The following SORCS1 variants were observed in gnomAD, a reference collection of about 807,000 sequenced individuals.
The protein encoded by SORCS1 is sortilin related VPS10 domain containing receptor 1, also known as VPS10 domain-containing receptor SorCS1.
Under a neutral mutation model 146.1 loss-of-function variants are expected in SORCS1, and 60 were observed. That is an observed-to-expected ratio of 0.41 (90% CI 0.33 to 0.51). The LOEUF (loss-of-function observed/expected upper bound fraction) is 0.51. Among genes scored for constraint, SORCS1 ranks in the 20% least tolerant of loss-of-function variants. The pLI is 0.21. For synonymous variants in SORCS1, 637 were observed against 584.0 expected (o/e 1.09, Z -1.31); for missense variants, 1,352 against 1,487.6 (o/e 0.91, Z 1.50).
intron 5 of SORCS1, among the ~76,000 whole-genome samples, chr10:106,745,806 A>T (rs1857691629): frequency 6.6e-6 from 1 of 152,204 alleles, no homozygotes; most frequent in African/African-American, 2.4e-5. Flanking sequence ...TAACTTTGCA[A>T]TGGAGAAACC....
At chr10:106,674,328 C>CAAAAAAAAAAAA (rs10658432) in intron 14 of SORCS1, among the ~76,000 whole-genome samples, 2,513 of 27,344 alleles carry the variant, frequency 0.092, 1,027 homozygotes, top group Non-Finnish European at 0.1. Context: ...GACTCCGTCT[C>CAAAAAAAAAAAA]AAAAAAAAAA....
chr10:107,128,104 A>T (rs1388676894), intron 1 of SORCS1, among the ~76,000 whole-genome samples: 3 of 152,226 alleles, frequency 2.0e-5, no homozygotes, highest in Non-Finnish European at 4.4e-5. Flanking sequence ...TACACTCTTC[A>T]ATATAAGTAT....
chr10:106,820,638 C>A (rs1191415261), intron 3 of SORCS1, among the ~76,000 whole-genome samples: 1 of 152,178 alleles, frequency 6.6e-6, no homozygotes, highest in Non-Finnish European at 1.5e-5. Context: ...AAGCTTGGGG[C>A]AGTTCTGATA....
intron 17 of SORCS1, among the ~76,000 whole-genome samples, chr10:106,653,107 G>C (rs1850003120): frequency 6.6e-6 from 1 of 152,114 alleles, no homozygotes; most frequent in Non-Finnish European, 1.5e-5. Flanking sequence ...GGTTATACTG[G>C]CTAAATGATC....
upstream of SORCS1, among the ~76,000 whole-genome samples, chr10:107,164,976 C>T (rs1435239215): frequency 2.0e-5 from 3 of 150,872 alleles, no homozygotes. This position sits in a 1 kb window ranked among gnomAD's most constrained non-coding sequence, Gnocchi z 6.8. Flanking sequence ...GGCCGCGGGT[C>T]CCGGCGCTGA....
At chr10:106,988,396 G>A (rs995782380) in intron 1 of SORCS1, among the ~76,000 whole-genome samples, 1 of 152,216 alleles carries the variant, frequency 6.6e-6, no homozygotes, top group African/African-American at 2.4e-5. Context: ...GCTAAGGTAA[G>A]ACTGCTTAAC....
intron 1 of SORCS1, among the ~76,000 whole-genome samples, chr10:107,126,557 A>G (rs1168887780): frequency 6.6e-6 from 1 of 152,108 alleles, no homozygotes; most frequent in Non-Finnish European, 1.5e-5. Context: ...CATTAGCTTA[A>G]TCTATACCAT....
intron 18 of SORCS1, 69 bp from the exon 19 acceptor site, chr10:106,629,457 C>T (rs1438130320): frequency 1.3e-6 from 2 of 1,532,820 alleles, no homozygotes; most frequent in African/African-American, 1.4e-5. Flanking sequence ...GGACTGGGGA[C>T]TACGGCTTGT....
At chr10:106,604,441 A>T (rs1846438683) in intron 23 of SORCS1, among the ~76,000 whole-genome samples, 1 of 152,120 alleles carries the variant, frequency 6.6e-6, no homozygotes, top group Admixed American at 6.5e-5. Context: ...CATCAGGGTA[A>T]TAATGTTCTC....
At position 107,084,100 on chromosome 10, in the gene SORCS1, T is replaced by G. The variant is rs532406705; in HGVS notation, c.558+79869A>C. On this transcript the variant is annotated intron_variant, in intron 1 of 25. Coordinates refer to ENST00000263054, the MANE Select transcript of SORCS1 (RefSeq NM_052918.5). ...TATTTTTGTTGTTTTTTGTTTTTTTTTTTTTTTTTTTTTGAGACCGAGTCT... is the reference window on the plus strand; with the variant it reads ...TATTTTTGTTGTTTTTTGTTTTTTTGTTTTTTTTTTTTTGAGACCGAGTCT... Among the ~76,000 whole-genome samples, 468 of 147,322 alleles carry G rather than the reference T, an allele frequency of 3.2e-3. 2 individuals carry two copies. The highest frequency in any genetic ancestry group is 0.021 in the Middle Eastern group (6 of 286).
At chr10:106,654,260 A>C (rs1297840247) in intron 17 of SORCS1, among the ~76,000 whole-genome samples, 1 of 152,236 alleles carries the variant, frequency 6.6e-6, no homozygotes, top group African/African-American at 2.4e-5. Context: ...TTATCTTCAG[A>C]AGTATCCATA....
At chr10:106,738,181 T>C (rs1857100624) in intron 5 of SORCS1, among the ~76,000 whole-genome samples, 1 of 152,184 alleles carries the variant, frequency 6.6e-6, no homozygotes, top group South Asian at 2.1e-4. Context: ...TTGGGGGTTG[T>C]GGGTAATAGT....
At chr10:107,044,749 T>C (rs1959221580) in intron 1 of SORCS1, among the ~76,000 whole-genome samples, 1 of 147,898 alleles carries the variant, frequency 6.8e-6, no homozygotes, top group Admixed American at 6.8e-5. Context: ...CTTGAGTAGG[T>C]TGCAGTGAGC....
intron 18 of SORCS1, among the ~76,000 whole-genome samples, chr10:106,633,496 T>C (rs1848555243): frequency 2.6e-5 from 4 of 152,186 alleles, no homozygotes; most frequent in Admixed American, 2.6e-4. Context: ...TCTACTCTCC[T>C]ATTCTGTAAG....
chr10:107,039,350 A>AG (rs1302510441), intron 1 of SORCS1, among the ~76,000 whole-genome samples: 1 of 151,266 alleles, frequency 6.6e-6, no homozygotes, highest in Non-Finnish European at 1.5e-5. Flanking sequence ...AAAAAAAAAA[A>AG]GGATGACAAA....
At chr10:106,768,004 A>G (rs554401635) in intron 4 of SORCS1, among the ~76,000 whole-genome samples, 1 of 152,310 alleles carries the variant, frequency 6.6e-6, no homozygotes, top group Non-Finnish European at 1.5e-5. Context: ...ATCATTAGAA[A>G]CAGGCAAATC....
chr10:106,971,906 T>A (rs1955803559), intron 1 of SORCS1, among the ~76,000 whole-genome samples: 2 of 152,170 alleles, frequency 1.3e-5, no homozygotes, highest in Non-Finnish European at 2.9e-5. Flanking sequence ...TCTCTTCTTC[T>A]GTGTAATAGG....
chr10:106,602,690 C>T (rs982948838), intron 23 of SORCS1, among the ~76,000 whole-genome samples: 1 of 152,134 alleles, frequency 6.6e-6, no homozygotes, highest in Non-Finnish European at 1.5e-5. Flanking sequence ...CTACCTCCTC[C>T]TGACACATTT....
chr10:107,004,958 G>T (rs942531944), intron 1 of SORCS1, among the ~76,000 whole-genome samples: 3 of 152,036 alleles, frequency 2.0e-5, no homozygotes, highest in Admixed American at 2.0e-4. Flanking sequence ...ATCCAGCCCT[G>T]ATTAAACTTT....
Sources: gnomAD v4.1 joint callset for allele counts (sites outside exome capture counted in the v4.1 genomes callset) on GRCh38, gnomAD v4.1.1 for gene constraint, Gnocchi (gnomAD v3.1) non-coding constraint, MANE v1.5 for transcripts, NCBI Gene and HGNC (gene_info 2026-07-23, HGNC 2026-07-21) for gene names.